Variants in JHY observed in about 807,000 individuals in gnomAD.
JHY encodes the protein junctional cadherin complex regulator, also known as jhy protein homolog.
A neutral mutation model predicts 78.0 loss-of-function variants in JHY; 69 were observed. The observed-to-expected ratio is 0.88, with a 90% CI of 0.73 to 1.08. The LOEUF (loss-of-function observed/expected upper bound fraction) is 1.08. Among genes scored for constraint, JHY ranks in the 50% least tolerant of loss-of-function variants. JHY has a pLI of 0.00. For missense variants in JHY, 944 were observed against 927.8 expected (o/e 1.02, Z -0.23); for synonymous variants, 368 against 342.6 (o/e 1.07, Z -0.82).
At chr11:122,922,836 A>AAAAAAAAAAC (rs1565322134) in intron 3 of JHY, among the ~76,000 whole-genome samples, 1 of 148,940 alleles carries the variant, frequency 6.7e-6, no homozygotes, top group African/African-American at 2.5e-5. Context: ...AAAAAAAAAA[A>AAAAAAAAAAC]CCAGCAGAGG....
intron 4 of JHY, among the ~76,000 whole-genome samples, chr11:122,926,708 A>G (rs1863515827): frequency 6.6e-6 from 1 of 152,234 alleles, no homozygotes. Context: ...AAGATTTGCC[A>G]TGCATTATGG....
At chr11:122,932,278 C>A (rs1416934504) in intron 4 of JHY, among the ~76,000 whole-genome samples, 1 of 152,164 alleles carries the variant, frequency 6.6e-6, no homozygotes, top group Non-Finnish European at 1.5e-5. Flanking sequence ...TTTCTGGGGA[C>A]TGAAATGCCA....
Position 122,905,413 on chromosome 11 carries a change from T to A in JHY, c.864+969T>A, listed in dbSNP as rs1029060415. 9 of 1,431,834 alleles carry A rather than the reference T, an allele frequency of 6.3e-6. No homozygotes were observed. The Admixed American group carries it at 8.6e-5, about 14-fold the overall frequency. 88.7% of individuals were successfully genotyped at this position (1,431,834 alleles called of 1,614,324 possible). A position where few individuals can be genotyped will look rare whatever the true frequency, so the allele number is the denominator to read the frequency against. On this transcript the variant is annotated intron_variant, in intron 3 of 8. Coordinates refer to ENST00000227349, the MANE Select transcript of JHY (RefSeq NM_024806.4). ...TTCAAATACAAAGGAGAGGTTATTA[T>A]GTTAAATGTGGTTGCCCTTAGACCT...
Position 122,953,306 on chromosome 11 carries a change from A to G in JHY, c.1930-3190A>G, listed in dbSNP as rs150667845. Among the ~76,000 whole-genome samples, 302 of 152,278 alleles carry G rather than the reference A, an allele frequency of 2.0e-3. 2 individuals carry two copies. The highest frequency in any genetic ancestry group is 6.9e-3 in the African/African-American group (287 of 41,566). ...GTACTATAGTACTAAAATGCTTAGA[A>G]AAAATAAGAATTTGGGCTGGGCACA... On this transcript the variant is annotated intron_variant, in intron 6 of 8. Transcript: ENST00000227349.
intron 4 of JHY, among the ~76,000 whole-genome samples, chr11:122,933,034 A>G (rs1863669337): frequency 6.6e-6 from 1 of 152,178 alleles, no homozygotes; most frequent in African/African-American, 2.4e-5. Context: ...GATAAGTAAC[A>G]TTGTGTATTA....
chr11:122,959,298 T>G lies in JHY; in HGVS notation c.2190T>G (p.Thr730=), dbSNP rs369261311. The change falls in exon 9 of 9, where the codon ACT becomes ACG. Residue 730 remains threonine (T), a synonymous_variant. Transcript: ENST00000227349. ...TIPKPKPSNL[T]HQASKEQKNP... is the part of the protein sequence containing the mutation. ...CCAAACCCAAACCATCAAATCTGAC[T>G]CATCAAGCATCAAAGGAACAAAAAA... 8.1e-6 allele frequency: 13 copies of G among 1,614,012 alleles called. No homozygotes were observed. The highest frequency in any genetic ancestry group is 6.8e-6 in the Non-Finnish European group (8 of 1,180,044).
chr11:122,889,009 T>C (rs1862553644), intron 2 of JHY, among the ~76,000 whole-genome samples: 1 of 152,166 alleles, frequency 6.6e-6, no homozygotes, highest in African/African-American at 2.4e-5. Context: ...AGGCTTTCCT[T>C]AGGGTATAAA....
At chr11:122,959,204 G>A in intron 8 of JHY, 44 bp from the exon 9 acceptor site, 2 of 1,566,792 alleles carry the variant, frequency 1.3e-6, no homozygotes, top group East Asian at 2.2e-5. Flanking sequence ...AGGAATCCAG[G>A]CTCACTTCCC....
At chr11:122,926,187 CAAAA>C (rs574945272) in intron 4 of JHY, among the ~76,000 whole-genome samples, 4 of 40,082 alleles carry the variant, frequency 1.0e-4, no homozygotes, top group Admixed American at 9.0e-4. Context: ...GACTCCATCT[CAAAA>C]AAAAAAAAAA....
In JHY at chr11:122,924,908, CG is replaced by C. The variant is rs775982607; in HGVS notation, c.877del (p.Val293SerfsTer3). Reference protein sequence around the residue: ...ESHPEQISYPVRVTDKTSIQN... With the variant: ...ESHPEQISYPXRVTDKTSIQN... ...TTTTACCTACCTAGATCTCCTACCC[CG>C]TCAGAGTAACAGACAAGACGTCTAT... On this transcript the variant is annotated frameshift_variant, in exon 4 of 9. Transcript: ENST00000227349. LOFTEE classifies it high-confidence loss of function. 2 of 1,612,972 alleles carry C rather than the reference CG, an allele frequency of 1.2e-6. No individual in the cohort carries two copies. The highest frequency in any genetic ancestry group is 2.7e-5 in the African/African-American group (2 of 74,854).
chr11:122,944,483 A>C (rs1247868070), intron 5 of JHY, among the ~76,000 whole-genome samples: 1 of 152,154 alleles, frequency 6.6e-6, no homozygotes, highest in Admixed American at 6.5e-5. Flanking sequence ...AAATTATTAG[A>C]TTGTTTTAAT....
chr11:122,886,306 G>A, intron 2 of JHY, 113 bp downstream of exon 2: 1 of 973,062 alleles, frequency 1.0e-6, no homozygotes, highest in South Asian at 1.9e-5. Context: ...AGCGCCGTGT[G>A]TGAGACAGGT....
chr11:122,955,731 G>C (rs570218720), intron 6 of JHY, among the ~76,000 whole-genome samples: 2 of 152,214 alleles, frequency 1.3e-5, no homozygotes, highest in South Asian at 4.1e-4. Flanking sequence ...ATTATAAATA[G>C]ATTATCATTG....
At chr11:122,888,049 T>TC (rs1233075030) in intron 2 of JHY, among the ~76,000 whole-genome samples, 4 of 15,450 alleles carry the variant, frequency 2.6e-4, no homozygotes, top group South Asian at 2.3e-3. Flanking sequence ...CCTTTCGTCT[T>TC]CCCCCCCTTT....
chr11:122,921,461 G>A (rs1863363467), intron 3 of JHY, among the ~76,000 whole-genome samples: 1 of 152,146 alleles, frequency 6.6e-6, no homozygotes, highest in South Asian at 2.1e-4. Context: ...GTTTGAAAAG[G>A]ATGATTTCCT....
chr11:122,909,775 T>G (rs1334776772), intron 3 of JHY, among the ~76,000 whole-genome samples: 1 of 151,854 alleles, frequency 6.6e-6, no homozygotes, highest in Non-Finnish European at 1.5e-5. Context: ...CAAGACTCCA[T>G]CTCAAAAAAA....
At chr11:122,895,719 T>C (rs1055438561) in intron 2 of JHY, among the ~76,000 whole-genome samples, 1 of 152,184 alleles carries the variant, frequency 6.6e-6, no homozygotes, top group African/African-American at 2.4e-5. Context: ...AACCTTTCTA[T>C]CAAATGGGGA....
chr11:122,959,072 G>A lies in JHY; in HGVS notation c.2140-176G>A, dbSNP rs755962110. 5.2e-6 allele frequency: 5 copies of A among 957,056 alleles called. No homozygotes were observed. The South Asian group carries it at 1.9e-4, about 37-fold the overall frequency. 59.3% of individuals were successfully genotyped at this position (957,056 alleles called of 1,614,324 possible). On this transcript the variant is annotated intron_variant, in intron 8 of 8. Coordinates refer to ENST00000227349, the MANE Select transcript of JHY (RefSeq NM_024806.4). Reference sequence around the variant, plus strand: ...CACAATATATTGTTTTGTGGCTAATGTATTTTGTTTAAACTGTGTGTTATA... The same window carrying A: ...CACAATATATTGTTTTGTGGCTAATATATTTTGTTTAAACTGTGTGTTATA...
chr11:122,953,233 A>T (rs941307541), intron 6 of JHY, among the ~76,000 whole-genome samples: 1 of 152,194 alleles, frequency 6.6e-6, no homozygotes, highest in African/African-American at 2.4e-5. Context: ...ATAGAATGTT[A>T]TGCATAAAAC....
Sources: gnomAD v4.1 joint callset for allele counts (sites outside exome capture counted in the v4.1 genomes callset) on GRCh38, gnomAD v4.1.1 for gene constraint, MANE v1.5 for transcripts, NCBI Gene and HGNC (gene_info 2026-07-23, HGNC 2026-07-21) for gene names.